Variants in CCN3 observed in about 807,000 individuals in gnomAD.
The protein encoded by CCN3 is CCN family member 3.
In CCN3, 20 loss-of-function variants were observed where a neutral mutation model predicts 33.4. The ratio of observed to expected loss-of-function variants is 0.60; its 90% CI spans 0.42 to 0.87. The LOEUF is 0.87. Ranked by LOEUF, CCN3 falls within the 40% of genes least tolerant of loss-of-function variation. The pLI is 0.00. For missense variants in CCN3, 465 were observed against 455.3 expected, an observed-to-expected ratio of 1.02 and a Z score of -0.19; for synonymous variants, 205 against 170.4, an observed-to-expected ratio of 1.20 and a Z score of -1.58.
chr8:119,423,335 G>C lies in CCN3; in HGVS notation c.*203G>C, dbSNP rs550263771. ...AACTGTAAACTTGGAATCAAGGTAAGCTCAGGATATGGCTTAGGAATGACT... is the reference window on the plus strand; with the variant it reads ...AACTGTAAACTTGGAATCAAGGTAACCTCAGGATATGGCTTAGGAATGACT... On this transcript the variant is annotated 3_prime_UTR_variant, in exon 5 of 5. Transcript: ENST00000259526. The C allele has an allele frequency of 1.2e-4, 65 of 528,138 alleles. 1 individual carries two copies. In the South Asian group the frequency reaches 2.1e-3, roughly 17 times the overall value. 32.7% of individuals were successfully genotyped at this position (528,138 alleles called of 1,614,324 possible). A position where few individuals can be genotyped will look rare whatever the true frequency, so the allele number is the denominator to read the frequency against.
intron 3 of CCN3, among the ~76,000 whole-genome samples, chr8:119,418,575 AT>A (rs1343533934): frequency 6.6e-6 from 1 of 152,204 alleles, no homozygotes; most frequent in Non-Finnish European, 1.5e-5. Context: ...TTTTTGTCTT[AT>A]TGGATGACTA....
intron 4 of CCN3, among the ~76,000 whole-genome samples, chr8:119,422,307 A>G (rs1277926394): frequency 6.6e-6 from 1 of 152,148 alleles, no homozygotes; most frequent in Non-Finnish European, 1.5e-5. Flanking sequence ...TGATCTAATT[A>G]CCTCCCACCA....
intron 4 of CCN3, among the ~76,000 whole-genome samples, chr8:119,421,649 C>T (rs975189751): frequency 1.3e-5 from 2 of 152,176 alleles, no homozygotes; most frequent in African/African-American, 4.8e-5. Context: ...CATTGGGCCT[C>T]TTCATTTATC....
At position 119,418,052 on chromosome 8, in the gene CCN3, T is replaced by C; in HGVS notation, c.311-6T>C. 1 of 1,607,148 alleles carries C rather than the reference T, an allele frequency of 6.2e-7. No individual in the cohort carries two copies. Among genetic ancestry groups the C allele is most frequent in the South Asian group, 1.1e-5 (1 of 90,812 alleles). On this transcript the variant is annotated splice_region_variant and splice_polypyrimidine_tract_variant and intron_variant, in intron 2 of 4. Transcript: ENST00000259526. ...TGCTTTTCACTTTGCTTCCCCAATA[T>C]TCTAGCGGTAGAGGGAGATAACTGT...
rs1447290995 is a variant in CCN3, at chr8:119,422,831, C to T, written c.778-5C>T. 10 of 1,585,922 alleles carry T rather than the reference C, an allele frequency of 6.3e-6. No individual in the cohort carries two copies. In the Admixed American group the frequency reaches 9.2e-5, roughly 15 times the overall value. On this transcript the variant is annotated splice_polypyrimidine_tract_variant and splice_region_variant and intron_variant, in intron 4 of 4. Transcript: ENST00000259526. ...TCAATACATCACTTCTTTTTTCTTT[C>T]TTAGAAAGGAAAAAAGTGTCTCCGC...
At chr8:119,420,932 A>G (rs1820114374) in intron 4 of CCN3, among the ~76,000 whole-genome samples, 1 of 151,314 alleles carries the variant, frequency 6.6e-6, no homozygotes, top group Non-Finnish European at 1.5e-5. Flanking sequence ...TATAGTATAC[A>G]TATTTTATAA....
intron 3 of CCN3, 31 bp downstream of exon 3, chr8:119,418,340 A>C: frequency 6.2e-7 from 1 of 1,608,886 alleles, no homozygotes; most frequent in Non-Finnish European, 8.5e-7. Flanking sequence ...AGGGCTGGTC[A>C]TAGTAGAGGG....
chr8:119,420,334 A>G (rs957760971), intron 4 of CCN3, among the ~76,000 whole-genome samples: 2 of 152,208 alleles, frequency 1.3e-5, no homozygotes, highest in African/African-American at 2.4e-5. Flanking sequence ...ACTTGTCACG[A>G]TGATTACATA....
At position 119,416,537 on chromosome 8, in the gene CCN3, A is replaced by G. The variant is rs1283671061; in HGVS notation, c.5A>G (p.Gln2Arg). The change falls in exon 1 of 5, where the codon CAG (glutamine) becomes CGG (arginine). Residue 2 changes from glutamine to arginine, a missense_variant. Coordinates refer to ENST00000259526, the MANE Select transcript of CCN3 (RefSeq NM_002514.4). ...GCGAGAGGGGAAAGCCTGAGCATGC[A>G]GAGTGTGCAGAGCACGAGCTTTTGT... M[Q>R]SVQSTSFCLR... 3 of 1,613,752 alleles carry G rather than the reference A, an allele frequency of 1.9e-6. No homozygotes were observed. Among genetic ancestry groups the G allele is most frequent in the Admixed American group, 3.3e-5 (2 of 59,982 alleles).
Position 119,419,152 on chromosome 8 carries a change from T to C in CCN3, c.584T>C (p.Leu195Pro). The change falls in exon 4 of 5, where the codon CTA becomes CCA. Residue 195 changes from leucine (L) to proline (P), a missense_variant. Leu to Pro is a moderately conservative substitution (Grantham distance 98). Coordinates refer to ENST00000259526, the MANE Select transcript of CCN3 (RefSeq NM_002514.4). Reference protein sequence around the residue: ...TLAAYRPEATLGVEVSDSSVN... With the variant: ...TLAAYRPEATPGVEVSDSSVN... ...ATAGCTTACAGGCCAGAAGCCACCC[T>C]AGGAGTAGAAGTCTCTGACTCAAGT... is the stretch of plus-strand genomic sequence containing the variant. The C allele has an allele frequency of 6.2e-7, 1 of 1,614,068 alleles. No individual in the cohort carries two copies. The highest frequency in any genetic ancestry group is 8.5e-7 in the Non-Finnish European group (1 of 1,179,960).
In CCN3 at chr8:119,416,752, G is replaced by A; in HGVS notation, c.93G>A (p.Ala31=). 1 of 1,586,552 alleles carries A rather than the reference G, an allele frequency of 6.3e-7. No homozygotes were observed. Among genetic ancestry groups the A allele is most frequent in the Non-Finnish European group, 8.6e-7 (1 of 1,166,170 alleles). The stretch of plus-strand genomic sequence containing the variant: ...GTCTCGCCTGCCTTCAGGTCGCTGC[G>A]ACTCAGCGCTGCCCTCCCCAGTGCC... ...LLLHLLGQVA[A]TQRCPPQCPG... Residue 31 remains alanine, a synonymous_variant, in exon 2 of 5, where the codon GCG becomes GCA. Coordinates refer to ENST00000259526, the MANE Select transcript of CCN3 (RefSeq NM_002514.4).
intron 4 of CCN3, chr8:119,419,904 G>A (rs1820101161): frequency 6.5e-6 from 1 of 153,396 alleles, no homozygotes. Flanking sequence ...AGCAATATGG[G>A]CCAAATAAAA....
intron 4 of CCN3, 113 bp from the exon 5 acceptor site, chr8:119,422,723 G>C: frequency 1.2e-6 from 1 of 863,078 alleles, no homozygotes; most frequent in East Asian, 2.4e-5. Flanking sequence ...TGATAGCAAA[G>C]AAGAAAGACC....
intron 4 of CCN3, chr8:119,420,163 A>G (rs1820103990): frequency 6.6e-6 from 1 of 152,340 alleles, no homozygotes; most frequent in East Asian, 1.9e-4. Context: ...CACTGAAGCA[A>G]TATCATCTAA....
chr8:119,423,465 T>C lies in CCN3; in HGVS notation c.*333T>C, dbSNP rs11785549. On this transcript the variant is annotated 3_prime_UTR_variant, in exon 5 of 5. Transcript: ENST00000259526. ...TTCACATTGCACTCATCATATTTTG[T>C]TGTGCACTAGTGCAATTCCAAGAAA... The C allele has an allele frequency of 0.18, 38,181 of 209,786 alleles. 3,828 individuals are homozygous for C. The highest frequency in any genetic ancestry group is 0.21 in the Non-Finnish European group (21,843 of 102,442). 13.0% of individuals were successfully genotyped at this position (209,786 alleles called of 1,614,324 possible). A position where few individuals can be genotyped will look rare whatever the true frequency, so the allele number is the denominator to read the frequency against.
chr8:119,419,406 G>A (rs566742889), intron 4 of CCN3, 61 bp downstream of exon 4: 99 of 1,541,302 alleles, frequency 6.4e-5, no homozygotes, highest in Non-Finnish European at 8.3e-5. Flanking sequence ...TTGGAGCCTG[G>A]GCTTCAGAAA....
chr8:119,418,987 A>G lies in CCN3; in HGVS notation c.563-144A>G, dbSNP rs1820089251. 3 of 601,820 alleles carry G rather than the reference A, an allele frequency of 5.0e-6. No homozygotes were observed. The Admixed American group carries it at 8.9e-5, about 18-fold the overall frequency. The allele number at this position is 601,820 out of a possible 1,614,324, so 37.3% of individuals were successfully genotyped here. A position where few individuals can be genotyped will look rare whatever the true frequency, so the allele number is the denominator to read the frequency against. On this transcript the variant is annotated intron_variant, in intron 3 of 4. Coordinates refer to ENST00000259526, the MANE Select transcript of CCN3 (RefSeq NM_002514.4). Reference sequence around the variant, plus strand: ...CCAGAAATAAATAAATAGATAAATAAATTCAGTTCTGTGTCCTGGGAGCAT... The same window carrying G: ...CCAGAAATAAATAAATAGATAAATAGATTCAGTTCTGTGTCCTGGGAGCAT...
At position 119,418,076 on chromosome 8, in the gene CCN3, G is replaced by T. The variant is rs1261549541; in HGVS notation, c.329G>T (p.Cys110Phe). ...ATTCTAGCGGTAGAGGGAGATAACT[G>T]TGTGTTCGATGGGGTCATCTACCGC... ...GICTAVEGDN[C>F]VFDGVIYRSG... Residue 110 changes from cysteine (C) to phenylalanine (F), a missense_variant, in exon 3 of 5, where the codon TGT (cysteine) becomes TTT (phenylalanine). Coordinates refer to ENST00000259526, the MANE Select transcript of CCN3 (RefSeq NM_002514.4). The T allele has an allele frequency of 1.9e-6, 3 of 1,613,492 alleles. No homozygotes were observed. The highest frequency in any genetic ancestry group is 2.7e-5 in the African/African-American group (2 of 74,924).
In CCN3 at chr8:119,419,339, A is replaced by C; in HGVS notation, c.771A>C (p.Thr257=). 1 of 1,613,394 alleles carries C rather than the reference A, an allele frequency of 6.2e-7. No individual in the cohort carries two copies. The highest frequency in any genetic ancestry group is 1.7e-5 in the Admixed American group (1 of 60,030). The part of the protein sequence containing the change: ...RPCEQEPEQP[T]DKKGKKCLRT... ...GTGAACAAGAGCCAGAGCAGCCAAC[A>C]GATAAGGTAGGAGCCTGGAGGAAAC... The change falls in exon 4 of 5, where the codon ACA becomes ACC. Residue 257 remains threonine (T), a synonymous_variant. Transcript: ENST00000259526.
Sources: gnomAD v4.1 joint callset for allele counts (sites outside exome capture counted in the v4.1 genomes callset) on GRCh38, gnomAD v4.1.1 for gene constraint, MANE v1.5 for transcripts, NCBI Gene and HGNC (gene_info 2026-07-23, HGNC 2026-07-21) for gene names.